CDK14: variants seen among roughly 807,000 people sequenced by gnomAD.
CDK14 encodes cyclin-dependent kinase 14.
Under a neutral mutation model 60.7 loss-of-function variants are expected in CDK14, and 34 were observed. The observed-to-expected ratio is 0.56, with a 90% CI of 0.43 to 0.75. The LOEUF (loss-of-function observed/expected upper bound fraction) is 0.75, where lower values mean the gene tolerates loss of function less well. Ranked by LOEUF, CDK14 falls within the 30% of genes least tolerant of loss-of-function variation. The probability of loss-of-function intolerance (pLI) is 0.00; values close to 1 mark genes in which losing one functional copy is unlikely to be tolerated. For missense variants in CDK14, 482 were observed against 564.1 expected (o/e 0.85, Z 1.47); for synonymous variants, 197 against 203.7 (o/e 0.97, Z 0.28).
chr7:90,880,700 C>CT (rs1260292281), intron 6 of CDK14, among the ~76,000 whole-genome samples: 1 of 152,128 alleles, frequency 6.6e-6, no homozygotes, highest in Non-Finnish European at 1.5e-5. Context: ...TGGTGCCCCT[C>CT]TAAGACAGAG....
At chr7:90,941,594 G>A (rs1793934091) in intron 8 of CDK14, among the ~76,000 whole-genome samples, 1 of 151,902 alleles carries the variant, frequency 6.6e-6, no homozygotes, top group African/African-American at 2.4e-5. Context: ...AACTACAGGT[G>A]CATACTGCCA....
chr7:90,806,260 A>G (rs2117021513), intron 5 of CDK14, among the ~76,000 whole-genome samples: 1 of 152,328 alleles, frequency 6.6e-6, no homozygotes, highest in African/African-American at 2.4e-5. Context: ...AAAACGTAAT[A>G]TATAAATGAA....
At chr7:90,986,486 A>G (rs1584200774) in intron 10 of CDK14, among the ~76,000 whole-genome samples, 1 of 152,092 alleles carries the variant, frequency 6.6e-6, no homozygotes, top group Non-Finnish European at 1.5e-5. Context: ...ACAAAATTGT[A>G]CTTTCCTATC....
chr7:91,118,936 G>A (rs923256613), intron 14 of CDK14, among the ~76,000 whole-genome samples: 2 of 152,074 alleles, frequency 1.3e-5, no homozygotes, highest in African/African-American at 2.4e-5. Flanking sequence ...CGTGTGCTAC[G>A]TAGTGACCAG....
At chr7:90,831,382 AT>A (rs796915235) in intron 5 of CDK14, among the ~76,000 whole-genome samples, 1 of 152,280 alleles carries the variant, frequency 6.6e-6, no homozygotes, top group African/African-American at 2.4e-5. Context: ...AGAACTCACC[AT>A]TATGAGAGCA....
At chr7:90,946,169 C>T (rs1297690959) in intron 8 of CDK14, among the ~76,000 whole-genome samples, 1 of 152,082 alleles carries the variant, frequency 6.6e-6, no homozygotes, top group Admixed American at 6.6e-5. Flanking sequence ...TAGATCCTTG[C>T]CTGAATGAAA....
chr7:91,158,232 A>G (rs142658595), intron 14 of CDK14, among the ~76,000 whole-genome samples: 1 of 150,932 alleles, frequency 6.6e-6, no homozygotes, highest in East Asian at 1.9e-4. Context: ...TATTTTGTAT[A>G]TATAAGCTCC....
At chr7:91,162,850 C>G (rs577695831) in intron 14 of CDK14, among the ~76,000 whole-genome samples, 11 of 152,286 alleles carry the variant, frequency 7.2e-5, no homozygotes, top group Admixed American at 1.3e-4. Flanking sequence ...GTTATAGGTG[C>G]TCTTAGGGAA....
chr7:90,999,439 AT>A (rs1320846468), intron 10 of CDK14, among the ~76,000 whole-genome samples: 2 of 139,480 alleles, frequency 1.4e-5, no homozygotes, highest in East Asian at 2.1e-4. Context: ...AAAAAAAAAA[AT>A]TAGCCAGGCA....
At position 91,208,129 on chromosome 7, in the gene CDK14, AAC is replaced by A. The variant is rs1351072913; in HGVS notation, c.*995_*996del. 1 of 152,684 alleles carries A rather than the reference AAC, an allele frequency of 6.5e-6. No individual in the cohort carries two copies. Among genetic ancestry groups the A allele is most frequent in the African/African-American group, 2.4e-5 (1 of 41,468 alleles). 9.5% of individuals were successfully genotyped at this position (152,684 alleles called of 1,614,324 possible). On this transcript the variant is annotated 3_prime_UTR_variant, in exon 15 of 15. Coordinates refer to ENST00000380050, the MANE Select transcript of CDK14 (RefSeq NM_001287135.2). Reference sequence around the variant, plus strand: ...TCCAGTTCAAAGTTTGCTTAGTTACAACAAAGCACCTTTAAAAAAAATACATT... The same window carrying A: ...TCCAGTTCAAAGTTTGCTTAGTTACAAAAGCACCTTTAAAAAAAATACATT...
At chr7:91,178,848 A>C (rs983007275) in intron 14 of CDK14, among the ~76,000 whole-genome samples, 1 of 151,940 alleles carries the variant, frequency 6.6e-6, no homozygotes, top group Non-Finnish European at 1.5e-5. Context: ...GAACACTTTT[A>C]CACTGTTGAT....
At chr7:90,797,435 C>T (rs922885095) in intron 5 of CDK14, among the ~76,000 whole-genome samples, 9 of 151,894 alleles carry the variant, frequency 5.9e-5, no homozygotes, top group Admixed American at 5.9e-4. Context: ...TTTGAAGACC[C>T]TATCTCCAAA....
rs979880874 is a variant in CDK14 at position 91,007,051 on chromosome 7, C to T, written c.1041+22810C>T. On this transcript the variant is annotated intron_variant, in intron 10 of 14. Transcript: ENST00000380050. ...CACTCATATGTTATCTTGGTAGAAA[C>T]GATTCCTAGAGGAGGATTGCTGGGT... Among the ~76,000 whole-genome samples the T allele has an allele frequency of 1.2e-4, 18 of 152,126 alleles. 1 individual carries two copies. The highest frequency in any genetic ancestry group is 2.4e-5 in the African/African-American group (1 of 41,424).
chr7:91,105,329 T>C (rs1261407937), intron 12 of CDK14, among the ~76,000 whole-genome samples: 1 of 152,236 alleles, frequency 6.6e-6, no homozygotes, highest in Non-Finnish European at 1.5e-5. Context: ...AGCACATTAG[T>C]GGGCTTCAGT....
At chr7:90,661,868 C>G (rs917861672) in intron 2 of CDK14, among the ~76,000 whole-genome samples, 29 of 107,436 alleles carry the variant, frequency 2.7e-4, no homozygotes, top group African/African-American at 1.1e-3. Flanking sequence ...GGTGCCCTAC[C>G]CATGTAGCAA....
intron 6 of CDK14, among the ~76,000 whole-genome samples, chr7:90,874,407 T>C (rs1791478942): frequency 1.3e-5 from 2 of 151,858 alleles, no homozygotes; most frequent in Non-Finnish European, 2.9e-5. Context: ...ATTTCTAGTG[T>C]CCTGAAATTT....
intron 4 of CDK14, among the ~76,000 whole-genome samples, chr7:90,777,976 A>AT (rs1805120344): frequency 6.6e-6 from 1 of 152,222 alleles, no homozygotes; most frequent in Admixed American, 6.5e-5. Flanking sequence ...GATATAGAAC[A>AT]TCATTCTCTG....
intron 2 of CDK14, among the ~76,000 whole-genome samples, chr7:90,675,948 G>C (rs1801190567): frequency 6.6e-6 from 1 of 152,320 alleles, no homozygotes; most frequent in South Asian, 2.1e-4. Flanking sequence ...GGATGGCAAA[G>C]AGCCTTCAAG....
Position 91,112,679 on chromosome 7 carries a change from A to C in CDK14, c.1292A>C (p.Asp431Ala). 6.2e-7 allele frequency: 1 copy of C among 1,613,520 alleles called. No homozygotes were observed. Among genetic ancestry groups the C allele is most frequent in the Non-Finnish European group, 8.5e-7 (1 of 1,179,750 alleles). ...CCGCCACGGCTATGGGAACTCACCG[A>C]CAGTGAGTATGACAAATCCACAACA... ...DLPPRLWELT[D>A]MSSIFTVPNV... The change falls in exon 13 of 15, where the codon GAC (aspartate) becomes GCC (alanine). Residue 431 changes from aspartate to alanine, a missense_variant and splice_region_variant. Transcript: ENST00000380050.
Sources: gnomAD v4.1 joint callset for allele counts (sites outside exome capture counted in the v4.1 genomes callset) on GRCh38, gnomAD v4.1.1 for gene constraint, MANE v1.5 for transcripts, NCBI Gene and HGNC (gene_info 2026-07-23, HGNC 2026-07-21) for gene names.